Variants in SORCS1 observed in about 807,000 individuals in gnomAD.
SORCS1 encodes the protein VPS10 domain-containing receptor SorCS1.
Under a neutral mutation model 146.1 loss-of-function variants are expected in SORCS1, and 60 were observed. That is an observed-to-expected ratio of 0.41 (90% CI 0.33 to 0.51). The LOEUF is 0.51. SORCS1 is among the 20% of genes least tolerant of loss of function. SORCS1 has a pLI of 0.21. For missense variants in SORCS1, 1,352 were observed against 1,487.6 expected (o/e 0.91, Z 1.50); for synonymous variants, 637 against 584.0 (o/e 1.09, Z -1.31).
chr10:106,760,083 T>C (rs559081476), intron 5 of SORCS1, among the ~76,000 whole-genome samples: 22 of 152,196 alleles, frequency 1.4e-4, no homozygotes, highest in African/African-American at 5.1e-4. Context: ...ATAGGGCCTT[T>C]AAGAAGTGAT....
chr10:106,725,377 C>A (rs1265461639), intron 6 of SORCS1, among the ~76,000 whole-genome samples: 1 of 151,556 alleles, frequency 6.6e-6, no homozygotes, highest in Non-Finnish European at 1.5e-5. Flanking sequence ...TAGTGAAACC[C>A]CATCTCTGCT....
chr10:106,957,165 G>GT (rs374081494), intron 1 of SORCS1, among the ~76,000 whole-genome samples: 7,550 of 138,032 alleles, frequency 0.055, 542 homozygotes, highest in African/African-American at 0.16. Flanking sequence ...GTTTTTTTTT[G>GT]TTTTTTTTGT....
chr10:106,713,547 AAAC>A (rs1424328744), intron 6 of SORCS1, among the ~76,000 whole-genome samples: 2 of 152,222 alleles, frequency 1.3e-5, no homozygotes, highest in African/African-American at 4.8e-5. Flanking sequence ...TTTAGGGAGA[AAAC>A]AAAGATGGAA....
intron 2 of SORCS1, among the ~76,000 whole-genome samples, chr10:106,857,446 G>C (rs1466804205): frequency 6.6e-6 from 1 of 152,216 alleles, no homozygotes; most frequent in Admixed American, 6.5e-5. Flanking sequence ...CCTGAAAGCG[G>C]AACAGTGTTC....
chr10:106,998,095 C>A (rs143636370), intron 1 of SORCS1, among the ~76,000 whole-genome samples: 2 of 152,160 alleles, frequency 1.3e-5, no homozygotes, highest in South Asian at 4.1e-4. Flanking sequence ...CCTCCTTGTG[C>A]GAATGTCAGG....
intron 3 of SORCS1, among the ~76,000 whole-genome samples, chr10:106,809,174 G>T (rs1413923322): frequency 6.6e-6 from 1 of 151,562 alleles, no homozygotes; most frequent in African/African-American, 2.4e-5. Flanking sequence ...GTGGTTGTGG[G>T]GGGAGGGGCG....
chr10:106,894,270 C>CGTGTGTGT (rs3982431), intron 2 of SORCS1, among the ~76,000 whole-genome samples: 7 of 141,456 alleles, frequency 4.9e-5, no homozygotes, highest in African/African-American at 7.7e-5. Flanking sequence ...CGCACGTGTG[C>CGTGTGTGT]GTGTGTGTGT....
chr10:106,690,726 C>T (rs1336912964), intron 9 of SORCS1, among the ~76,000 whole-genome samples: 2 of 152,184 alleles, frequency 1.3e-5, no homozygotes, highest in African/African-American at 4.8e-5. Context: ...AGCCAAGGCA[C>T]TTTGTCCATT....
chr10:107,105,297 G>C (rs1274055890), intron 1 of SORCS1, among the ~76,000 whole-genome samples: 1 of 152,200 alleles, frequency 6.6e-6, no homozygotes, highest in East Asian at 1.9e-4. Flanking sequence ...GTGAAAGGAA[G>C]GCTGATCTAA....
intron 19 of SORCS1, among the ~76,000 whole-genome samples, chr10:106,625,747 A>G (rs1848066286): frequency 6.6e-6 from 1 of 152,176 alleles, no homozygotes; most frequent in Admixed American, 6.5e-5. Context: ...GAAGGACTAC[A>G]AGATCCACCT....
At chr10:107,168,855 A>G (rs1008715039), upstream of SORCS1, among the ~76,000 whole-genome samples, 2 of 152,006 alleles carry the variant, frequency 1.3e-5, no homozygotes, top group African/African-American at 2.4e-5. Flanking sequence ...TCCAAATCCA[A>G]CTAATAACAG....
At chr10:107,037,872 G>C (rs1413408128) in intron 1 of SORCS1, among the ~76,000 whole-genome samples, 1 of 152,160 alleles carries the variant, frequency 6.6e-6, no homozygotes, top group Non-Finnish European at 1.5e-5. Context: ...TGTTGCCAAG[G>C]CTGGAGTGTA....
intron 2 of SORCS1, among the ~76,000 whole-genome samples, chr10:106,918,012 C>T (rs940059410): frequency 2.6e-5 from 4 of 152,078 alleles, no homozygotes; most frequent in Non-Finnish European, 5.9e-5. Flanking sequence ...ATCTTATTTA[C>T]TATTTCCTGA....
chr10:106,887,003 A>G (rs561833265), intron 2 of SORCS1, among the ~76,000 whole-genome samples: 74 of 152,344 alleles, frequency 4.9e-4, no homozygotes, highest in Admixed American at 9.8e-4. Context: ...GTCTTCATAA[A>G]TGAGAGTTGA....
At chr10:106,677,285 A>G (rs1182154640) in intron 13 of SORCS1, 28 bp downstream of exon 13, 1 of 1,597,490 alleles carries the variant, frequency 6.3e-7, no homozygotes, top group Admixed American at 1.7e-5. Context: ...CATCAGGTGC[A>G]GATTTCACAG....
intron 1 of SORCS1, among the ~76,000 whole-genome samples, chr10:106,980,377 A>G (rs1482934609): frequency 6.6e-6 from 1 of 152,240 alleles, no homozygotes; most frequent in Non-Finnish European, 1.5e-5. Context: ...ACCAAGTTTG[A>G]TGACTTTTAG....
intron 24 of SORCS1, among the ~76,000 whole-genome samples, chr10:106,583,596 T>C (rs1314337668): frequency 6.6e-6 from 1 of 152,142 alleles, no homozygotes; most frequent in Non-Finnish European, 1.5e-5. Context: ...AATCTTCTCC[T>C]GTGTTCAATC....
chr10:106,681,641 T>C (rs1415910152), intron 10 of SORCS1, among the ~76,000 whole-genome samples: 1 of 152,208 alleles, frequency 6.6e-6, no homozygotes, highest in Non-Finnish European at 1.5e-5. Context: ...AGTAGACTAC[T>C]GCTTGCGGAT....
chr10:107,010,009 A>C (rs1419691443), intron 1 of SORCS1, among the ~76,000 whole-genome samples: 1 of 152,190 alleles, frequency 6.6e-6, no homozygotes, highest in Non-Finnish European at 1.5e-5. Flanking sequence ...ACTGTTGAAA[A>C]ACTTATGATG....
Sources: allele counts gnomAD v4.1 joint callset (sites outside exome capture counted in the v4.1 genomes callset), GRCh38; gene constraint gnomAD v4.1.1; transcripts MANE v1.5; gene names NCBI Gene and HGNC (gene_info 2026-07-23, HGNC 2026-07-21).